TRAPPC8: variants seen among roughly 807,000 people sequenced by gnomAD.
The protein encoded by TRAPPC8 is trafficking protein particle complex subunit 8.
In TRAPPC8, 54 loss-of-function variants were observed where a neutral mutation model predicts 174.3. The ratio of observed to expected loss-of-function variants is 0.31; its 90% confidence interval spans 0.25 to 0.39. The LOEUF (loss-of-function observed/expected upper bound fraction) is 0.39. Ranked by LOEUF, TRAPPC8 falls within the 10% of genes least tolerant of loss-of-function variation. The probability of loss-of-function intolerance (pLI) is 1.00; values close to 1 mark genes in which losing one functional copy is unlikely to be tolerated. For missense variants in TRAPPC8, 1,531 were observed against 1,699.1 expected (o/e 0.90, Z 1.74); for synonymous variants, 630 against 579.9 (o/e 1.09, Z -1.24).
Position 31,864,715 on chromosome 18 carries a change from T to G in TRAPPC8, c.2657A>C (p.Asn886Thr). ...QDLEIQGPRL[N>T]NTKEEKTSVK... ...AGATGTTTTCTCTTCTTTTGTGTTG[T>G]TAAGTCGAGGACCTTGAATTTCTAA... is the stretch of plus-strand genomic sequence containing the variant. Residue 886 changes from asparagine to threonine, a missense_variant, in exon 19 of 29, where the codon AAC (asparagine) becomes ACC (threonine). Coordinates refer to ENST00000283351, the MANE Select transcript of TRAPPC8 (RefSeq NM_014939.5). 1 of 1,613,188 alleles carries G rather than the reference T, an allele frequency of 6.2e-7. No homozygotes were observed. The highest frequency in any genetic ancestry group is 8.5e-7 in the Non-Finnish European group (1 of 1,179,518).
intron 12 of TRAPPC8, among the ~76,000 whole-genome samples, chr18:31,882,803 G>C (rs532639437): frequency 5.9e-4 from 89 of 151,314 alleles, no homozygotes; most frequent in Non-Finnish European, 9.6e-4. Flanking sequence ...TTTTAATAGA[G>C]ATGGGATTCC....
chr18:31,900,593 G>A (rs1302627243), intron 10 of TRAPPC8, among the ~76,000 whole-genome samples: 1 of 152,128 alleles, frequency 6.6e-6, no homozygotes, highest in Non-Finnish European at 1.5e-5. Flanking sequence ...ATACAATATT[G>A]TTTAACTATT....
At chr18:31,901,539 A>G (rs2036425911) in intron 9 of TRAPPC8, among the ~76,000 whole-genome samples, 2 of 152,206 alleles carry the variant, frequency 1.3e-5, no homozygotes, top group Admixed American at 1.3e-4. Context: ...GAACATGGGG[A>G]ATACAGAGAT....
intron 2 of TRAPPC8, among the ~76,000 whole-genome samples, chr18:31,921,367 A>G (rs1176900620): frequency 6.6e-6 from 1 of 152,112 alleles, no homozygotes; most frequent in African/African-American, 2.4e-5. Context: ...TAATCCCAAC[A>G]CTTTGGGAGG....
chr18:31,899,841 G>A (rs1405366950), intron 10 of TRAPPC8, among the ~76,000 whole-genome samples: 6 of 151,998 alleles, frequency 3.9e-5, no homozygotes, highest in African/African-American at 1.5e-4. Flanking sequence ...ACCTACTTGG[G>A]AGGCCGAGAC....
rs188829048 is a variant in TRAPPC8, at chr18:31,865,133, G to A, written c.2591-352C>T. On this transcript the variant is annotated intron_variant, in intron 18 of 28. Transcript: ENST00000283351. Reference sequence around the variant, plus strand: ...ACAATTTAATTTAGGCCATGAGAACGGTATCTATTCACAAAGAAAAGAAGT... The same window carrying A: ...ACAATTTAATTTAGGCCATGAGAACAGTATCTATTCACAAAGAAAAGAAGT... 2.3e-3 allele frequency among the ~76,000 whole-genome samples: 352 copies of A among 152,022 alleles called. 2 individuals carry two copies. Among genetic ancestry groups the A allele is most frequent in the Non-Finnish European group, 2.8e-3 (191 of 67,894 alleles).
At chr18:31,854,224 T>C (rs1460109954) in intron 21 of TRAPPC8, among the ~76,000 whole-genome samples, 1 of 152,182 alleles carries the variant, frequency 6.6e-6, no homozygotes, top group Non-Finnish European at 1.5e-5. Context: ...CACAATGAGC[T>C]ATTGGTAGTA....
chr18:31,879,306 A>T (rs1397764350), intron 12 of TRAPPC8, among the ~76,000 whole-genome samples: 2 of 152,178 alleles, frequency 1.3e-5, no homozygotes, highest in Admixed American at 6.5e-5. Context: ...TAAAATTAGA[A>T]ATCAATACCA....
chr18:31,912,644 G>A (rs1327551236), intron 5 of TRAPPC8, among the ~76,000 whole-genome samples: 2 of 151,944 alleles, frequency 1.3e-5, no homozygotes, highest in Non-Finnish European at 2.9e-5. Context: ...CTTGGCGACA[G>A]AGCAACACTC....
chr18:31,845,098 T>C (rs1017821447), intron 26 of TRAPPC8: 1 of 148,562 alleles, frequency 6.7e-6, no homozygotes, highest in African/African-American at 2.5e-5. Flanking sequence ...CCGTCTCTAC[T>C]AAAAATACAA....
At chr18:31,916,846 CAAAAAAA>C (rs5823825) in intron 3 of TRAPPC8, among the ~76,000 whole-genome samples, 1 of 126,910 alleles carries the variant, frequency 7.9e-6, no homozygotes, top group Non-Finnish European at 1.6e-5. Flanking sequence ...ATTTTCACAG[CAAAAAAA>C]AAAAAAAAAA....
At chr18:31,873,574 T>A (rs1448620945) in intron 13 of TRAPPC8, 36 bp from the exon 14 acceptor site, 1 of 1,469,074 alleles carries the variant, frequency 6.8e-7, no homozygotes, top group East Asian at 2.3e-5. Context: ...AAGTAGTTTT[T>A]GTGAAAATGG....
intron 20 of TRAPPC8, among the ~76,000 whole-genome samples, chr18:31,856,376 T>C (rs577660660): frequency 6.6e-6 from 1 of 152,206 alleles, no homozygotes; most frequent in African/African-American, 2.4e-5. Context: ...ACTTTGGTGA[T>C]CTCCCCCCAA....
chr18:31,872,280 A>G (rs1368199860), intron 14 of TRAPPC8, among the ~76,000 whole-genome samples: 1 of 152,186 alleles, frequency 6.6e-6, no homozygotes, highest in African/African-American at 2.4e-5. Flanking sequence ...CATTATTGCC[A>G]TTCTAGGGTT....
intron 2 of TRAPPC8, among the ~76,000 whole-genome samples, chr18:31,920,060 A>C (rs2037318103): frequency 6.6e-6 from 1 of 152,188 alleles, no homozygotes; most frequent in African/African-American, 2.4e-5. Flanking sequence ...ATGCATATGT[A>C]GTACCAATGA....
intron 26 of TRAPPC8, 132 bp from the exon 27 acceptor site, chr18:31,839,589 G>A: frequency 2.7e-6 from 2 of 745,220 alleles, no homozygotes; most frequent in Non-Finnish European, 3.9e-6. Flanking sequence ...CTTTTCTGCT[G>A]TTAAGCTAAT....
chr18:31,896,454 A>T (rs2036189129), intron 11 of TRAPPC8: 1 of 150,454 alleles, frequency 6.6e-6, no homozygotes, highest in Admixed American at 6.7e-5. Flanking sequence ...ACTGGATTAC[A>T]GACAGGATAT....
In TRAPPC8 at chr18:31,857,712, T is replaced by C. The variant is rs999169906; in HGVS notation, c.3016A>G (p.Ile1006Val). 1.9e-6 allele frequency: 3 copies of C among 1,614,116 alleles called. No homozygotes were observed. Among genetic ancestry groups the C allele is most frequent in the Non-Finnish European group, 2.5e-6 (3 of 1,180,010 alleles). The change falls in exon 20 of 29, where the codon ATT becomes GTT. Residue 1006 changes from isoleucine (I) to valine (V), a missense_variant. Ile to Val is a conservative substitution (Grantham distance 29, BLOSUM62 3). Transcript: ENST00000283351. Reference protein sequence around the residue: ...ISSASSVDFGIGTGSQPEVIP... With the variant: ...ISSASSVDFGVGTGSQPEVIP... ...ACCTCTGGTTGACTTCCTGTGCCAATGCCAAAGTCTACAGAAGAAGCTGAT... is the reference window on the plus strand; with the variant it reads ...ACCTCTGGTTGACTTCCTGTGCCAACGCCAAAGTCTACAGAAGAAGCTGAT...
At chr18:31,846,910 G>T in intron 25 of TRAPPC8, 93 bp from the exon 26 acceptor site, 1 of 741,114 alleles carries the variant, frequency 1.3e-6, no homozygotes, top group African/African-American at 1.7e-5. Context: ...AAATAATATG[G>T]CCAATATCTA....
Sources: gnomAD v4.1 joint callset for allele counts (sites outside exome capture counted in the v4.1 genomes callset) on GRCh38, gnomAD v4.1.1 for gene constraint, MANE v1.5 for transcripts, NCBI Gene and HGNC (gene_info 2026-07-23, HGNC 2026-07-21) for gene names.